ADGRL3: variants seen among roughly 807,000 people sequenced by gnomAD.
The protein encoded by ADGRL3 is adhesion G protein-coupled receptor L3, also known as calcium-independent alpha-latrotoxin receptor 3.
Under a neutral mutation model 153.5 loss-of-function variants are expected in ADGRL3, and 62 were observed. The ratio of observed to expected loss-of-function variants is 0.40; its 90% CI spans 0.33 to 0.50. The LOEUF (loss-of-function observed/expected upper bound fraction) is 0.50. Ranked by LOEUF, ADGRL3 falls within the 20% of genes least tolerant of loss-of-function variation. The probability of loss-of-function intolerance (pLI) is 0.47; values close to 1 mark genes in which losing one functional copy is unlikely to be tolerated. For synonymous variants in ADGRL3, 710 were observed against 672.5 expected, an observed-to-expected ratio of 1.06 and a Z score of -0.86; for missense variants, 1,641 against 1,859.4, an observed-to-expected ratio of 0.88 and a Z score of 2.16.
chr4:61,517,612 G>A, intron 4 of ADGRL3, 94 bp downstream of exon 4: 1 of 665,732 alleles, frequency 1.5e-6, no homozygotes, highest in Non-Finnish European at 2.7e-6. Context: ...GTGTCTTCTT[G>A]TAAGTTTACT....
At chr4:61,857,006 T>TTC (rs1554048323) in intron 9 of ADGRL3, among the ~76,000 whole-genome samples, 171 of 112,722 alleles carry the variant, frequency 1.5e-3, no homozygotes, top group African/African-American at 2.9e-3. Flanking sequence ...CTTTCTTTCT[T>TTC]TCTTTCTTTC....
At chr4:61,870,062 G>A (rs865796172) in intron 9 of ADGRL3, among the ~76,000 whole-genome samples, 21 of 148,534 alleles carry the variant, frequency 1.4e-4, no homozygotes, top group East Asian at 1.0e-3. Flanking sequence ...AGGAAAAAAC[G>A]TAATTCCTAT....
At chr4:61,763,614 C>T (rs1193811707) in intron 8 of ADGRL3, among the ~76,000 whole-genome samples, 4 of 151,830 alleles carry the variant, frequency 2.6e-5, no homozygotes, top group Non-Finnish European at 4.4e-5. Context: ...ATTAACATAC[C>T]CAAATATATT....
chr4:61,347,720 A>G (rs1252130932), intron 1 of ADGRL3, among the ~76,000 whole-genome samples: 1 of 152,150 alleles, frequency 6.6e-6, no homozygotes, highest in African/African-American at 2.4e-5. Context: ...AATCAGAATC[A>G]AAAGAGAAGG....
intron 2 of ADGRL3, among the ~76,000 whole-genome samples, chr4:61,480,632 A>T (rs1359338489): frequency 6.6e-6 from 1 of 151,944 alleles, no homozygotes; most frequent in African/African-American, 2.4e-5. Flanking sequence ...AAAATAAAAA[A>T]ATTAGCTGGG....
At chr4:61,931,967 A>T (rs999106683) in intron 13 of ADGRL3, among the ~76,000 whole-genome samples, 1 of 152,126 alleles carries the variant, frequency 6.6e-6, no homozygotes, top group African/African-American at 2.4e-5. Context: ...TGTTGTAAAC[A>T]GGTTCCTGAA....
At chr4:61,560,724 A>G (rs2098791564) in intron 4 of ADGRL3, among the ~76,000 whole-genome samples, 1 of 151,960 alleles carries the variant, frequency 6.6e-6, no homozygotes, top group Non-Finnish European at 1.5e-5. Context: ...ACGGAGGTCT[A>G]TTATCTCCAT....
At chr4:61,819,577 G>T (rs2097727955) in intron 9 of ADGRL3, among the ~76,000 whole-genome samples, 1 of 151,734 alleles carries the variant, frequency 6.6e-6, no homozygotes, top group South Asian at 2.1e-4. Context: ...ATAGTTTATG[G>T]ACTTGACTAT....
At chr4:61,457,046 C>T (rs335348) in intron 2 of ADGRL3, among the ~76,000 whole-genome samples, 141,767 of 151,954 alleles carry the variant, frequency 0.93, 66,950 homozygotes, top group East Asian at 1. Context: ...TGTGTTCTTT[C>T]TAAATTAATT....
intron 9 of ADGRL3, among the ~76,000 whole-genome samples, chr4:61,853,986 C>T (rs566955256): frequency 1.3e-5 from 2 of 152,298 alleles, no homozygotes; most frequent in South Asian, 4.1e-4. Context: ...GATGTTGATA[C>T]ATGACAGTCA....
intron 1 of ADGRL3, among the ~76,000 whole-genome samples, chr4:61,325,140 C>T (rs766451511): frequency 6.6e-6 from 1 of 151,852 alleles, no homozygotes; most frequent in Non-Finnish European, 1.5e-5. Context: ...GGTGAAACCC[C>T]GTCTCTACTA....
At chr4:61,919,756 G>A (rs976667728) in intron 13 of ADGRL3, among the ~76,000 whole-genome samples, 2 of 152,134 alleles carry the variant, frequency 1.3e-5, no homozygotes, top group African/African-American at 2.4e-5. Context: ...CTGCATTGAC[G>A]TGGAAAGAAC....
intron 25 of ADGRL3, among the ~76,000 whole-genome samples, chr4:62,056,379 G>GT (rs1394135526): frequency 6.6e-6 from 1 of 151,580 alleles, no homozygotes; most frequent in Non-Finnish European, 1.5e-5. Context: ...CTTTATACCA[G>GT]TTTTTTAATT....
chr4:61,285,658 G>A (rs1422840691), intron 1 of ADGRL3, among the ~76,000 whole-genome samples: 1 of 151,670 alleles, frequency 6.6e-6, no homozygotes, highest in Admixed American at 6.6e-5. Context: ...GTTTAGTTAG[G>A]GGTTTAAAGG....
chr4:61,726,210 G>GTTTTTTTTTTTTTTTTGTTTTTTT (rs149472429), intron 6 of ADGRL3, among the ~76,000 whole-genome samples: 1 of 118,480 alleles, frequency 8.4e-6, no homozygotes, highest in African/African-American at 3.2e-5. Context: ...TTTTTTTTTT[G>GTTTTTTTTTTTTTTTTGTTTTTTT]TTTTTTGAGA....
chr4:61,624,865 T>A (rs1425071346), intron 5 of ADGRL3, among the ~76,000 whole-genome samples: 1 of 152,112 alleles, frequency 6.6e-6, no homozygotes, highest in Non-Finnish European at 1.5e-5. Context: ...AGCTTAAATA[T>A]TTTGTTATAT....
intron 1 of ADGRL3, among the ~76,000 whole-genome samples, chr4:61,370,904 C>T (rs2096510749): frequency 6.6e-6 from 1 of 150,844 alleles, no homozygotes; most frequent in Non-Finnish European, 1.5e-5. Flanking sequence ...CTTTATGAAT[C>T]TGGGTGCTCC....
chr4:61,211,913 T>C (rs1416113180), intron 1 of ADGRL3: 2 of 152,310 alleles, frequency 1.3e-5, no homozygotes, highest in Non-Finnish European at 2.9e-5. Flanking sequence ...ACAGGTTTGC[T>C]GGCACAAAGA....
At chr4:61,577,035 G>T (rs1260273642) in intron 4 of ADGRL3, among the ~76,000 whole-genome samples, 1 of 152,008 alleles carries the variant, frequency 6.6e-6, no homozygotes, top group Non-Finnish European at 1.5e-5. Context: ...TGTTGTGGAA[G>T]ATTTATGCTT....
Sources: allele counts gnomAD v4.1 joint callset (sites outside exome capture counted in the v4.1 genomes callset), GRCh38; gene constraint gnomAD v4.1.1; transcripts MANE v1.5; gene names NCBI Gene and HGNC (gene_info 2026-07-23, HGNC 2026-07-21).